Variants in MYO5A observed in about 807,000 individuals in gnomAD.
MYO5A encodes the protein unconventional myosin-Va.
A neutral mutation model predicts 249.7 loss-of-function variants in MYO5A; 98 were observed. That is an observed-to-expected ratio of 0.39 (90% CI 0.33 to 0.46). MYO5A has a LOEUF of 0.46. Among genes scored for constraint, MYO5A ranks in the 20% least tolerant of loss-of-function variants. The pLI is 0.98. For missense variants in MYO5A, 1,696 were observed against 2,308.8 expected (o/e 0.73, Z 5.44); for synonymous variants, 778 against 810.6 (o/e 0.96, Z 0.68).
At chr15:52,338,798 A>G (rs888021737) in intron 32 of MYO5A, among the ~76,000 whole-genome samples, 4 of 152,252 alleles carry the variant, frequency 2.6e-5, no homozygotes, top group Non-Finnish European at 4.4e-5. Flanking sequence ...TGACCAACTT[A>G]GTGAAAAAAC....
At chr15:52,388,643 G>A (rs565198048) in intron 13 of MYO5A, among the ~76,000 whole-genome samples, 1 of 152,262 alleles carries the variant, frequency 6.6e-6, no homozygotes, top group Admixed American at 6.5e-5. Flanking sequence ...CTCATTGCTT[G>A]TGATTTTCTA....
chr15:52,457,401 A>C (rs1222569134), intron 1 of MYO5A, among the ~76,000 whole-genome samples: 1 of 149,924 alleles, frequency 6.7e-6, no homozygotes, highest in Non-Finnish European at 1.5e-5. Flanking sequence ...AGCCTAAGTG[A>C]CAGAGTGAGA....
Position 52,428,548 on chromosome 15 carries a change from G to C in MYO5A, c.160C>G (p.Pro54Ala). The C allele has an allele frequency of 6.2e-7, 1 of 1,614,168 alleles. No homozygotes were observed. Among genetic ancestry groups the C allele is most frequent in the Non-Finnish European group, 8.5e-7 (1 of 1,180,010 alleles). Residue 54 changes from proline to alanine, a missense_variant, in exon 3 of 42, where the codon CCA becomes GCA. Pro to Ala is a conservative substitution (Grantham distance 27). This residue lies in a region of MYO5A where 197 missense variants were observed against 320.3 expected (regional missense o/e 0.62). Coordinates refer to ENST00000399233, the MANE Select transcript of MYO5A (RefSeq NM_001382347.1). Reference sequence around the variant, plus strand: ...AAGTGAGGCAGCTCCTTGGTCTTTGGATCTAGATGGTATTCCAAATCCTGA... The same window carrying C: ...AAGTGAGGCAGCTCCTTGGTCTTTGCATCTAGATGGTATTCCAAATCCTGA... ...EGKDLEYHLD[P>A]KTKELPHLRN...
chr15:52,361,548 CT>C (rs2040526846), intron 24 of MYO5A, among the ~76,000 whole-genome samples: 1 of 152,158 alleles, frequency 6.6e-6, no homozygotes, highest in Non-Finnish European at 1.5e-5. Context: ...AATACCAGCT[CT>C]TCCACTAGCT....
chr15:52,436,968 T>A (rs118082262), intron 1 of MYO5A, among the ~76,000 whole-genome samples: 39 of 152,348 alleles, frequency 2.6e-4, no homozygotes, highest in Non-Finnish European at 5.0e-4. Flanking sequence ...AGTCTTCTAG[T>A]TTATTGCAAA....
At chr15:52,329,852 T>A (rs1281400847) in intron 35 of MYO5A, among the ~76,000 whole-genome samples, 1 of 149,938 alleles carries the variant, frequency 6.7e-6, no homozygotes, top group East Asian at 1.9e-4. Flanking sequence ...GATCCTCCCA[T>A]CTCAGCCTTT....
chr15:52,522,456 A>G (rs1455669377), intron 1 of MYO5A, among the ~76,000 whole-genome samples: 1 of 152,220 alleles, frequency 6.6e-6, no homozygotes, highest in African/African-American at 2.4e-5. Context: ...GATGGAGGAC[A>G]TGCCTTCAGG....
intron 27 of MYO5A, among the ~76,000 whole-genome samples, chr15:52,353,359 T>C (rs2040048416): frequency 6.6e-6 from 1 of 152,216 alleles, no homozygotes; most frequent in South Asian, 2.1e-4. Flanking sequence ...AGAGTCCACG[T>C]CCTTTACTAC....
chr15:52,515,303 A>AAAG (rs1370430105), intron 1 of MYO5A, among the ~76,000 whole-genome samples: 2 of 149,534 alleles, frequency 1.3e-5, no homozygotes, highest in South Asian at 2.1e-4. Flanking sequence ...AGAAAGAAAG[A>AAAG]AAAAAAAGAT....
chr15:52,469,488 G>A (rs1045050335), intron 1 of MYO5A, among the ~76,000 whole-genome samples: 2 of 152,192 alleles, frequency 1.3e-5, no homozygotes, highest in African/African-American at 2.4e-5. Flanking sequence ...CTGAGGAGGA[G>A]GAGGAAGAGG....
chr15:52,435,102 G>A (rs932619210), intron 1 of MYO5A, among the ~76,000 whole-genome samples: 5 of 152,154 alleles, frequency 3.3e-5, no homozygotes, highest in African/African-American at 7.2e-5. Flanking sequence ...TCATTCCCAA[G>A]TACAAGAGAA....
chr15:52,471,761 C>T (rs775763426), intron 1 of MYO5A, among the ~76,000 whole-genome samples: 1 of 152,124 alleles, frequency 6.6e-6, no homozygotes, highest in African/African-American at 2.4e-5. Flanking sequence ...TGCAGTGGTG[C>T]ATTCATGGCT....
intron 24 of MYO5A, among the ~76,000 whole-genome samples, chr15:52,361,674 T>A (rs773898988): frequency 6.6e-5 from 10 of 152,354 alleles, no homozygotes; most frequent in Admixed American, 2.6e-4. Context: ...AAGCATTCAA[T>A]GAATGTTAAC....
chr15:52,392,454 A>G (rs944201333), intron 11 of MYO5A, among the ~76,000 whole-genome samples: 1 of 152,254 alleles, frequency 6.6e-6, no homozygotes, highest in Admixed American at 6.5e-5. Flanking sequence ...GATGCCCTCC[A>G]GGCTACTGAA....
intron 1 of MYO5A, among the ~76,000 whole-genome samples, chr15:52,516,222 G>A (rs2077492986): frequency 6.6e-6 from 1 of 152,172 alleles, no homozygotes; most frequent in South Asian, 2.1e-4. Flanking sequence ...ATGATGTACT[G>A]CCTCGCTTTC....
chr15:52,478,575 TAA>T (rs1377867764), intron 1 of MYO5A, among the ~76,000 whole-genome samples: 1 of 152,232 alleles, frequency 6.6e-6, no homozygotes, highest in Non-Finnish European at 1.5e-5. Context: ...CAGACATTTT[TAA>T]AAGAGTGAAC....
In MYO5A at chr15:52,379,739, A is replaced by T. The variant is rs1476584606; in HGVS notation, c.2100-6T>A. 3 of 1,614,080 alleles carry T rather than the reference A, an allele frequency of 1.9e-6. No homozygotes were observed. In the South Asian group the frequency reaches 3.3e-5, roughly 18 times the overall value. ...AAAATTCTTGGTAAGTCCACCTATT[A>T]AAAGAAAACCATCTGAGTTTACTTA... On this transcript the variant is annotated splice_polypyrimidine_tract_variant and splice_region_variant and intron_variant, in intron 17 of 41. Coordinates refer to ENST00000399233, the MANE Select transcript of MYO5A (RefSeq NM_001382347.1).
Position 52,454,226 on chromosome 15 carries a change from G to C in MYO5A, c.28-20941C>G, listed in dbSNP as rs1306732278. Among the ~76,000 whole-genome samples, 3 of 152,046 alleles carry C rather than the reference G, an allele frequency of 2.0e-5. No homozygotes were observed. In the East Asian group the frequency reaches 5.8e-4, roughly 29 times the overall value. ...AGTAGGAGTAGCTATACTTGTATCA[G>C]ATAAAATAGACTACAAGTCAAAGAC... On this transcript the variant is annotated intron_variant, in intron 1 of 41. Coordinates refer to ENST00000399233, the MANE Select transcript of MYO5A (RefSeq NM_001382347.1).
chr15:52,501,168 T>C (rs1274860232), intron 1 of MYO5A, among the ~76,000 whole-genome samples: 1 of 152,010 alleles, frequency 6.6e-6, no homozygotes, highest in African/African-American at 2.4e-5. Flanking sequence ...AGATGGGGAT[T>C]TACCTTGTTA....
Sources: allele counts gnomAD v4.1 joint callset (sites outside exome capture counted in the v4.1 genomes callset), GRCh38; gene constraint gnomAD v4.1.1; regional missense constraint gnomAD v4.1.1; transcripts MANE v1.5; gene names NCBI Gene and HGNC (gene_info 2026-07-23, HGNC 2026-07-21).